SLC24A1: variants seen among roughly 807,000 people sequenced by gnomAD.
The protein encoded by SLC24A1 is solute carrier family 24 member 1.
A neutral mutation model predicts 88.1 loss-of-function variants in SLC24A1; 52 were observed. That is an observed-to-expected ratio of 0.59 (90% CI 0.47 to 0.74). SLC24A1 has a LOEUF of 0.74. Ranked by LOEUF, SLC24A1 falls within the 30% of genes least tolerant of loss-of-function variation. SLC24A1 has a pLI of 0.00. For synonymous variants in SLC24A1, 455 were observed against 498.0 expected (o/e 0.91, Z 1.15); for missense variants, 1,173 against 1,363.3 (o/e 0.86, Z 2.20).
At position 65,625,631 on chromosome 15, in the gene SLC24A1, C is replaced by T. The variant is rs779072226; in HGVS notation, c.1551C>T (p.Phe517=). 6.2e-7 allele frequency: 1 copy of T among 1,614,038 alleles called. No individual in the cohort carries two copies. Among genetic ancestry groups the T allele is most frequent in the Non-Finnish European group, 8.5e-7 (1 of 1,179,890 alleles). The change falls in exon 2 of 10, where the codon TTC becomes TTT. Residue 517 remains phenylalanine, a synonymous_variant. Coordinates refer to ENST00000261892, the MANE Select transcript of SLC24A1 (RefSeq NM_004727.3). ...PELFTSLIGV[F]ISHSNVGIGT... is the part of the protein sequence containing the mutation. Reference sequence around the variant, plus strand: ...TCTTCACCTCCCTCATCGGTGTCTTCATTTCCCACAGCAACGTGGGCATTG... The same window carrying T: ...TCTTCACCTCCCTCATCGGTGTCTTTATTTCCCACAGCAACGTGGGCATTG...
intron 8 of SLC24A1, 175 bp downstream of exon 8, chr15:65,651,934 A>C: frequency 3.2e-6 from 2 of 633,734 alleles, no homozygotes; most frequent in East Asian, 3.2e-5. Context: ...AGTGCTTCTC[A>C]AGTGTGGCTT....
At chr15:65,657,283 T>G (rs186422047), downstream of SLC24A1, among the ~76,000 whole-genome samples, 1 of 152,294 alleles carries the variant, frequency 6.6e-6, no homozygotes, top group Non-Finnish European at 1.5e-5. Context: ...TCAATATTAT[T>G]TAAAGATTGA....
At chr15:65,645,249 C>T (rs574663785) in intron 5 of SLC24A1, among the ~76,000 whole-genome samples, 1 of 152,334 alleles carries the variant, frequency 6.6e-6, no homozygotes, top group Non-Finnish European at 1.5e-5. Context: ...AAGCTGCTGC[C>T]TTTGGAATCA....
At chr15:65,626,581 C>T (rs1349402285) in intron 2 of SLC24A1, among the ~76,000 whole-genome samples, 1 of 152,116 alleles carries the variant, frequency 6.6e-6, no homozygotes, top group Non-Finnish European at 1.5e-5. Context: ...GACAAGCTAG[C>T]CCTGGGGACA....
At position 65,624,252 on chromosome 15, in the gene SLC24A1, C is replaced by T. The variant is rs1289546006; in HGVS notation, c.172C>T (p.Gln58Ter). Residue 58 changes from glutamine (Q) to a stop codon, truncating the protein, a stop_gained, in exon 2 of 10, where the codon CAG (glutamine) becomes TAG (stop). Transcript: ENST00000261892. LOFTEE classifies it high-confidence loss of function. ...ATTGTGGGCAGCAGTCTCTTCTCATCAGCCTATAAAACTGGCCAGTCGGGA... is the reference window on the plus strand; with the variant it reads ...ATTGTGGGCAGCAGTCTCTTCTCATTAGCCTATAAAACTGGCCAGTCGGGA... Reference protein sequence around the residue: ...SSLWAAVSSHQPIKLASRDLS... With the variant: ...SSLWAAVSSH The T allele has an allele frequency of 2.2e-5, 35 of 1,613,780 alleles. No homozygotes were observed. The highest frequency in any genetic ancestry group is 3.0e-5 in the Non-Finnish European group (35 of 1,179,860).
rs946021108 is a variant in SLC24A1, at chr15:65,654,073, T to C, written c.3294T>C (p.Ser1098=). The C allele has an allele frequency of 3.1e-6, 5 of 1,611,900 alleles. No individual in the cohort carries two copies. In the African/African-American group the frequency reaches 6.7e-5, roughly 22 times the overall value. The change falls in exon 10 of 10, where the codon TCT becomes TCC. Residue 1098 remains serine (S), a synonymous_variant. Coordinates refer to ENST00000261892, the MANE Select transcript of SLC24A1 (RefSeq NM_004727.3). ...ATCGAATCATATCCTGTCCTGTATC[T>C]GTCTGAATCAGTCACTCTTGCTCAC... ...LEDRIISCPV[S]V
At position 65,654,107 on chromosome 15, in the gene SLC24A1, T is replaced by C; in HGVS notation, c.*28T>C. 6.2e-7 allele frequency: 1 copy of C among 1,603,692 alleles called. No individual in the cohort carries two copies. The highest frequency in any genetic ancestry group is 1.7e-5 in the Admixed American group (1 of 59,496). Reference sequence around the variant, plus strand: ...CAGTCACTCTTGCTCACAATGGGCATGGATCAGAAGACCATGCAGAAGTTA... The same window carrying C: ...CAGTCACTCTTGCTCACAATGGGCACGGATCAGAAGACCATGCAGAAGTTA... On this transcript the variant is annotated 3_prime_UTR_variant, in exon 10 of 10. Coordinates refer to ENST00000261892, the MANE Select transcript of SLC24A1 (RefSeq NM_004727.3).
chr15:65,648,899 A>G (rs572035061), intron 6 of SLC24A1, among the ~76,000 whole-genome samples: 53 of 152,178 alleles, frequency 3.5e-4, no homozygotes, highest in Non-Finnish European at 6.0e-4. Context: ...CAGCTGCCTG[A>G]GTAGTTGAAA....
Position 65,650,625 on chromosome 15 carries a change from G to A in SLC24A1, c.2476G>A (p.Gly826Ser). The A allele has an allele frequency of 6.4e-7, 1 of 1,550,798 alleles. No individual in the cohort carries two copies. The highest frequency in any genetic ancestry group is 8.7e-7 in the Non-Finnish European group (1 of 1,146,352). The change falls in exon 7 of 10, where the codon GGT becomes AGT. Residue 826 changes from glycine to serine, a missense_variant. Physicochemically the swap from Gly to Ser is moderately conservative, Grantham distance 56. Transcript: ENST00000261892. This position sits in a 1 kb window ranked among gnomAD's most constrained non-coding sequence, Gnocchi z 4.1. ...AEDGEMKGNE[G>S]ETESQELSAE... ...AGATGGTGAAATGAAAGGTAATGAA[G>A]GTGAAACTGAAAGCCAGGAACTCAG...
chr15:65,645,517 C>A (rs1408833992), intron 5 of SLC24A1, 95 bp from the exon 6 acceptor site: 3 of 900,454 alleles, frequency 3.3e-6, no homozygotes, highest in African/African-American at 3.3e-5. Context: ...ACCCTGAAGT[C>A]CAATAGCCCT....
chr15:65,633,443 T>G (rs1246442898), intron 2 of SLC24A1, among the ~76,000 whole-genome samples: 1 of 152,198 alleles, frequency 6.6e-6, no homozygotes, highest in Non-Finnish European at 1.5e-5. Flanking sequence ...GTGGATCATC[T>G]GAGGTCAGGA....
intron 8 of SLC24A1, 158 bp downstream of exon 8, chr15:65,651,917 T>G (rs1017432738): frequency 9.2e-6 from 6 of 653,402 alleles, no homozygotes; most frequent in Admixed American, 6.2e-5. Context: ...TTTATTCCAG[T>G]GAACGCAGTG....
intron 2 of SLC24A1, among the ~76,000 whole-genome samples, chr15:65,631,810 C>T (rs557943416): frequency 3.5e-4 from 54 of 152,176 alleles, no homozygotes; most frequent in Middle Eastern, 6.8e-3. Flanking sequence ...GGGCCCTGTG[C>T]ATCAGATACA....
At chr15:65,629,256 C>G (rs1221958344) in intron 2 of SLC24A1, among the ~76,000 whole-genome samples, 7 of 152,106 alleles carry the variant, frequency 4.6e-5, no homozygotes, top group Non-Finnish European at 1.0e-4. Flanking sequence ...TTATTCTGCC[C>G]TGAGTATCTA....
At chr15:65,635,248 G>A (rs1269671281) in intron 2 of SLC24A1, among the ~76,000 whole-genome samples, 2 of 151,752 alleles carry the variant, frequency 1.3e-5, no homozygotes, top group Non-Finnish European at 2.9e-5. Flanking sequence ...CTGGGAGGCC[G>A]AGGCGGGTGG....
chr15:65,615,164 G>T (rs2074096253), intron 2 of SLC24A1, among the ~76,000 whole-genome samples: 1 of 152,168 alleles, frequency 6.6e-6, no homozygotes, highest in African/African-American at 2.4e-5. Flanking sequence ...AGTGAGCTGT[G>T]ATTGTGTCAC....
exon 1 of SLC24A1, chr15:65,611,596 T>A (rs546511903): frequency 4.7e-6 from 1 of 214,934 alleles, no homozygotes; most frequent in Non-Finnish European, 9.6e-6. Flanking sequence ...CCCTCTCTCG[T>A]ATCCTCTGAA....
downstream of SLC24A1, chr15:65,660,314 T>C (rs1222996778): frequency 2.0e-6 from 3 of 1,535,074 alleles, no homozygotes; most frequent in East Asian, 4.9e-5. Context: ...CATGGTGCTA[T>C]TCACTAATGG....
At chr15:65,643,086 A>C in intron 4 of SLC24A1, 3 of 1,185,128 alleles carry the variant, frequency 2.5e-6, no homozygotes, top group Non-Finnish European at 3.4e-6. Context: ...AAAGTTATAG[A>C]GTGCTTTCTA....
Sources: allele counts gnomAD v4.1 joint callset (sites outside exome capture counted in the v4.1 genomes callset), GRCh38; gene constraint gnomAD v4.1.1; non-coding constraint Gnocchi (gnomAD v3.1); transcripts MANE v1.5; gene names NCBI Gene and HGNC (gene_info 2026-07-23, HGNC 2026-07-21).